Variants in IQGAP2 observed in about 807,000 individuals in gnomAD.
IQGAP2 encodes the protein ras GTPase-activating-like protein IQGAP2.
In IQGAP2, 173 loss-of-function variants were observed where a neutral mutation model predicts 201.3. The observed-to-expected ratio is 0.86, with a 90% CI of 0.76 to 0.98. The LOEUF is 0.98. Ranked by LOEUF, IQGAP2 falls within the 50% of genes least tolerant of loss-of-function variation. The probability of loss-of-function intolerance (pLI) is 0.00; values close to 1 mark genes in which losing one functional copy is unlikely to be tolerated. For synonymous variants in IQGAP2, 675 were observed against 673.9 expected, an observed-to-expected ratio of 1.00 and a Z score of -0.03; for missense variants, 1,687 against 1,864.8, an observed-to-expected ratio of 0.90 and a Z score of 1.76.
intron 2 of IQGAP2, among the ~76,000 whole-genome samples, chr5:76,552,060 A>G (rs1743590940): frequency 6.6e-6 from 1 of 152,068 alleles, no homozygotes; most frequent in South Asian, 2.1e-4. Context: ...GGGCCTGAAC[A>G]CTTTCGTTGT....
At chr5:76,656,471 G>A (rs1395164392) in intron 20 of IQGAP2, among the ~76,000 whole-genome samples, 1 of 135,944 alleles carries the variant, frequency 7.4e-6, no homozygotes, top group African/African-American at 2.8e-5. Flanking sequence ...ATGAGCCACT[G>A]CGCCCAGCCG....
intron 2 of IQGAP2, among the ~76,000 whole-genome samples, chr5:76,533,271 TTG>T: frequency 6.6e-6 from 1 of 152,112 alleles, no homozygotes; most frequent in South Asian, 2.1e-4. Context: ...AGAAACTTAC[TTG>T]TGGAATTGTT....
intron 2 of IQGAP2, among the ~76,000 whole-genome samples, chr5:76,510,165 A>G (rs1757875212): frequency 6.6e-6 from 1 of 151,896 alleles, no homozygotes; most frequent in South Asian, 2.1e-4. Context: ...ATGCCCGGCT[A>G]ATTTTTGTAT....
chr5:76,476,375 T>C (rs529721289), intron 2 of IQGAP2, among the ~76,000 whole-genome samples: 1 of 152,254 alleles, frequency 6.6e-6, no homozygotes, highest in Non-Finnish European at 1.5e-5. Flanking sequence ...AACGTTTATT[T>C]GGGAAAGTGA....
intron 33 of IQGAP2, among the ~76,000 whole-genome samples, chr5:76,699,868 C>CT (rs1747183574): frequency 9.7e-5 from 3 of 30,960 alleles, no homozygotes; most frequent in African/African-American, 4.7e-4. Flanking sequence ...TCTCTCTCTC[C>CT]ATATATAGTT....
chr5:76,671,176 G>C (rs539172980), intron 23 of IQGAP2, among the ~76,000 whole-genome samples: 11 of 152,250 alleles, frequency 7.2e-5, no homozygotes, highest in African/African-American at 2.6e-4. Flanking sequence ...TAGGAGAATC[G>C]CTTGAACCCT....
intron 5 of IQGAP2, among the ~76,000 whole-genome samples, chr5:76,585,301 T>G (rs546934267): frequency 2.0e-4 from 31 of 152,208 alleles, no homozygotes; most frequent in Non-Finnish European, 3.8e-4. Flanking sequence ...TAAAATTTGT[T>G]GCTTGAAGAC....
intron 2 of IQGAP2, among the ~76,000 whole-genome samples, chr5:76,517,590 G>C (rs1758404273): frequency 6.9e-6 from 1 of 143,894 alleles, no homozygotes; most frequent in Non-Finnish European, 1.5e-5. Flanking sequence ...GGGTGACAAA[G>C]TGAGACCCTG....
In IQGAP2 at chr5:76,570,672, A is replaced by G; in HGVS notation, c.381+15A>G. ...GTCTACCCAAGGTAAGCCTTCACGCACTGGAATCTGAACTAGAAAGGCAAA... is the reference window on the plus strand; with the variant it reads ...GTCTACCCAAGGTAAGCCTTCACGCGCTGGAATCTGAACTAGAAAGGCAAA... On this transcript the variant is annotated intron_variant, in intron 4 of 35. Coordinates refer to ENST00000274364, the MANE Select transcript of IQGAP2 (RefSeq NM_006633.5). The G allele has an allele frequency of 1.9e-6, 3 of 1,585,706 alleles. No homozygotes were observed. Among genetic ancestry groups the G allele is most frequent in the Non-Finnish European group, 2.6e-6 (3 of 1,154,416 alleles).
chr5:76,562,890 A>T (rs1406983047), intron 3 of IQGAP2, among the ~76,000 whole-genome samples: 1 of 152,172 alleles, frequency 6.6e-6, no homozygotes, highest in Non-Finnish European at 1.5e-5. Flanking sequence ...TGTGGCCCTA[A>T]AGAGTTAGGG....
At chr5:76,663,452 T>C (rs1201973605) in intron 21 of IQGAP2, among the ~76,000 whole-genome samples, 2 of 142,706 alleles carry the variant, frequency 1.4e-5, no homozygotes, top group Admixed American at 1.4e-4. Context: ...AGGGGAGGTG[T>C]TCTAGAACAG....
chr5:76,575,227 T>C (rs1349221009), intron 4 of IQGAP2, among the ~76,000 whole-genome samples: 1 of 151,624 alleles, frequency 6.6e-6, no homozygotes, highest in African/African-American at 2.4e-5. Context: ...TTTTTAAATG[T>C]GTGTGTGTGT....
chr5:76,494,760 C>T (rs1412172954), intron 2 of IQGAP2, among the ~76,000 whole-genome samples: 1 of 152,100 alleles, frequency 6.6e-6, no homozygotes, highest in Non-Finnish European at 1.5e-5. Context: ...TACACATATA[C>T]ACTCAACCCT....
intron 34 of IQGAP2, 81 bp downstream of exon 34, chr5:76,701,294 G>T: frequency 7.2e-7 from 1 of 1,385,816 alleles, no homozygotes; most frequent in African/African-American, 1.4e-5. Flanking sequence ...ATTTGGTCTA[G>T]CAAGGCTTAA....
intron 1 of IQGAP2, among the ~76,000 whole-genome samples, chr5:76,455,453 CAAAAAAAAAA>C (rs59978990): frequency 1.2e-5 from 1 of 81,234 alleles, no homozygotes; most frequent in Non-Finnish European, 2.4e-5. Context: ...GACTCTGTCT[CAAAAAAAAAA>C]AAAAAAAAAA....
At position 76,576,604 on chromosome 5, in the gene IQGAP2, G is replaced by A. The variant is rs550899617; in HGVS notation, c.458+835G>A. On this transcript the variant is annotated intron_variant, in intron 5 of 35. Coordinates refer to ENST00000274364, the MANE Select transcript of IQGAP2 (RefSeq NM_006633.5). ...CAGAGTACTCTGCCTAGAGGTTTAT[G>A]TTGACTTCTTCCTGGCTCTTTTCCT... Among the ~76,000 whole-genome samples, 38 of 152,322 alleles carry A rather than the reference G, an allele frequency of 2.5e-4. No homozygotes were observed. The South Asian group carries it at 7.7e-3, about 31-fold the overall frequency.
At chr5:76,413,118 A>C (rs1279235225) in intron 1 of IQGAP2, among the ~76,000 whole-genome samples, 1 of 148,146 alleles carries the variant, frequency 6.8e-6, no homozygotes, top group Non-Finnish European at 1.5e-5. Context: ...ATGTGGATTT[A>C]AAATCCTAGC....
In IQGAP2 at chr5:76,545,102, CTA is replaced by C. The variant is rs138646047; in HGVS notation, c.147-17291_147-17290del. Among the ~76,000 whole-genome samples the C allele has an allele frequency of 7.3e-3, 1,118 of 152,130 alleles. 21 individuals carry two copies. Among genetic ancestry groups the C allele is most frequent in the African/African-American group, 0.025 (1,055 of 41,474 alleles). On this transcript the variant is annotated intron_variant, in intron 2 of 35. Coordinates refer to ENST00000274364, the MANE Select transcript of IQGAP2 (RefSeq NM_006633.5). ...TATACACATAACTATGTATATAAAACTATACAATTGTTACACTGTTGTGTAAC... is the reference window on the plus strand; with the variant it reads ...TATACACATAACTATGTATATAAAACTACAATTGTTACACTGTTGTGTAAC...
chr5:76,665,959 A>G (rs571936556), intron 22 of IQGAP2, among the ~76,000 whole-genome samples: 1 of 152,362 alleles, frequency 6.6e-6, no homozygotes, highest in East Asian at 1.9e-4. Flanking sequence ...TGTAAGAGTC[A>G]GATGTCTCTC....
Sources: allele counts gnomAD v4.1 joint callset (sites outside exome capture counted in the v4.1 genomes callset), GRCh38; gene constraint gnomAD v4.1.1; transcripts MANE v1.5; gene names NCBI Gene and HGNC (gene_info 2026-07-23, HGNC 2026-07-21).